The following DCC variants were observed in gnomAD, a reference collection of about 807,000 sequenced individuals.
DCC encodes netrin receptor DCC.
Under a neutral mutation model 172.5 loss-of-function variants are expected in DCC, and 58 were observed. The ratio of observed to expected loss-of-function variants is 0.34; its 90% CI spans 0.27 to 0.42. The LOEUF (loss-of-function observed/expected upper bound fraction) is 0.42. DCC is among the 10% of genes least tolerant of loss of function. The pLI is 1.00. For missense variants in DCC, 1,740 were observed against 1,791.0 expected, an observed-to-expected ratio of 0.97 and a Z score of 0.51; for synonymous variants, 709 against 644.5, an observed-to-expected ratio of 1.10 and a Z score of -1.52.
intron 1 of DCC, among the ~76,000 whole-genome samples, chr18:52,342,603 G>A (rs2144221810): frequency 6.6e-6 from 1 of 152,298 alleles, no homozygotes; most frequent in Middle Eastern, 3.4e-3. Flanking sequence ...ATAGCAGTTT[G>A]GGAGACCTAT....
intron 1 of DCC, among the ~76,000 whole-genome samples, chr18:52,692,437 GTATTT>G (rs748559358): frequency 6.6e-6 from 1 of 151,922 alleles, no homozygotes; most frequent in Admixed American, 6.6e-5. Context: ...GTCTCTCTCT[GTATTT>G]TATTTTATTT....
intron 25 of DCC, among the ~76,000 whole-genome samples, chr18:53,473,515 C>G (rs1185593460): frequency 1.3e-5 from 2 of 151,894 alleles, no homozygotes; most frequent in East Asian, 3.9e-4. Context: ...TTTCATTAAA[C>G]AGAAAAGGAA....
chr18:53,459,175 A>G (rs374526828), intron 23 of DCC, 57 bp from the exon 24 acceptor site: 1 of 1,327,202 alleles, frequency 7.5e-7, no homozygotes, highest in South Asian at 1.2e-5. Flanking sequence ...CTGATGAAAG[A>G]AAGGAAGTGC....
intron 1 of DCC, among the ~76,000 whole-genome samples, chr18:52,361,869 C>T (rs372253275): frequency 6.6e-6 from 1 of 152,176 alleles, no homozygotes; most frequent in Admixed American, 6.5e-5. Context: ...CACCACAGCT[C>T]GTTCATGTGG....
At chr18:52,456,777 T>G (rs1290404738) in intron 1 of DCC, among the ~76,000 whole-genome samples, 1 of 152,120 alleles carries the variant, frequency 6.6e-6, no homozygotes, top group African/African-American at 2.4e-5. Flanking sequence ...GACTCCTTAT[T>G]TTGTAGCTAA....
At chr18:52,382,388 G>A (rs1985622918) in intron 1 of DCC, among the ~76,000 whole-genome samples, 1 of 151,962 alleles carries the variant, frequency 6.6e-6, no homozygotes, top group Non-Finnish European at 1.5e-5. Context: ...TAATACTTTT[G>A]TTATATTCTA....
intron 1 of DCC, among the ~76,000 whole-genome samples, chr18:52,470,720 T>A (rs1441330664): frequency 6.6e-6 from 1 of 152,166 alleles, no homozygotes; most frequent in Non-Finnish European, 1.5e-5. Context: ...AAATAAACAT[T>A]CCCTAATGGG....
intron 21 of DCC, among the ~76,000 whole-genome samples, chr18:53,429,104 T>A (rs1198302528): frequency 1.1e-5 from 1 of 91,700 alleles, no homozygotes; most frequent in East Asian, 2.4e-4. Flanking sequence ...ATTTTATATA[T>A]AATATATATA....
chr18:52,526,942 G>C (rs1202802806), intron 1 of DCC, among the ~76,000 whole-genome samples: 1 of 152,150 alleles, frequency 6.6e-6, no homozygotes, highest in Non-Finnish European at 1.5e-5. Flanking sequence ...GAAATCTTCA[G>C]AATACAATCT....
chr18:52,967,168 TA>T (rs543848065), intron 5 of DCC, among the ~76,000 whole-genome samples: 7 of 152,188 alleles, frequency 4.6e-5, no homozygotes, highest in Admixed American at 4.6e-4. Flanking sequence ...AAAATGTGGA[TA>T]AAAAACCACA....
chr18:53,146,554 C>G (rs1002750856), intron 7 of DCC, among the ~76,000 whole-genome samples: 1 of 152,226 alleles, frequency 6.6e-6, no homozygotes, highest in Non-Finnish European at 1.5e-5. Flanking sequence ...CATCCCAATA[C>G]TGTTGCATTG....
At chr18:53,091,028 T>C (rs1343015372) in intron 7 of DCC, among the ~76,000 whole-genome samples, 1 of 151,974 alleles carries the variant, frequency 6.6e-6, no homozygotes, top group African/African-American at 2.4e-5. Flanking sequence ...CAGCATCAGT[T>C]CCAAATGCTG....
chr18:52,503,225 G>A (rs943545288), intron 1 of DCC, among the ~76,000 whole-genome samples: 14 of 152,068 alleles, frequency 9.2e-5, no homozygotes, highest in African/African-American at 2.4e-4. Context: ...ATTAGAAGCC[G>A]AATGACTATA....
chr18:52,390,100 A>G (rs1985972692), intron 1 of DCC, among the ~76,000 whole-genome samples: 1 of 152,016 alleles, frequency 6.6e-6, no homozygotes, highest in South Asian at 2.1e-4. Flanking sequence ...CCCCGCCACA[A>G]ACAGAAGACC....
At chr18:52,759,845 A>G (rs1288296952) in intron 2 of DCC, among the ~76,000 whole-genome samples, 2 of 152,228 alleles carry the variant, frequency 1.3e-5, no homozygotes, top group African/African-American at 2.4e-5. Context: ...ACAAAGTTAT[A>G]CACAAGTAAC....
chr18:52,510,777 C>T (rs115396679), intron 1 of DCC, among the ~76,000 whole-genome samples: 4 of 152,080 alleles, frequency 2.6e-5, no homozygotes, highest in African/African-American at 7.2e-5. Flanking sequence ...TACTTCTGAG[C>T]GTGAAAGGGT....
chr18:53,342,464 A>G lies in DCC; in HGVS notation c.2359+2557A>G, dbSNP rs545155928. On this transcript the variant is annotated intron_variant, in intron 15 of 28. Coordinates refer to ENST00000442544, the MANE Select transcript of DCC (RefSeq NM_005215.4). ...TATCTACCTACCAATTGATCTATTTATCTATCAATTTATCTATCTTTATAT... is the reference window on the plus strand; with the variant it reads ...TATCTACCTACCAATTGATCTATTTGTCTATCAATTTATCTATCTTTATAT... 1.3e-4 allele frequency among the ~76,000 whole-genome samples: 20 copies of G among 151,924 alleles called. No individual in the cohort carries two copies. The South Asian group carries it at 4.1e-3, about 31-fold the overall frequency.
chr18:52,622,292 G>C (rs1426717150), intron 1 of DCC, among the ~76,000 whole-genome samples: 1 of 152,150 alleles, frequency 6.6e-6, no homozygotes, highest in Admixed American at 6.5e-5. Context: ...CAGCTAAGAG[G>C]CATAGAAGTT....
chr18:53,427,578 G>A (rs971767832), intron 21 of DCC, among the ~76,000 whole-genome samples: 2 of 149,200 alleles, frequency 1.3e-5, no homozygotes, highest in Admixed American at 1.4e-4. Context: ...ATAGTCAAGT[G>A]TAGTTATTGT....
Sources: gnomAD v4.1 joint callset for allele counts (sites outside exome capture counted in the v4.1 genomes callset) on GRCh38, gnomAD v4.1.1 for gene constraint, MANE v1.5 for transcripts, NCBI Gene and HGNC (gene_info 2026-07-23, HGNC 2026-07-21) for gene names.